The following LHFPL3 variants were observed in gnomAD, a reference collection of about 807,000 sequenced individuals.
LHFPL3 encodes LHFPL tetraspan subfamily member 3 protein.
In LHFPL3, 5 loss-of-function variants were observed where a neutral mutation model predicts 19.3. The observed-to-expected ratio is 0.26, with a 90% CI of 0.14 to 0.54. The LOEUF (loss-of-function observed/expected upper bound fraction) is 0.54. LHFPL3 is among the 20% of genes least tolerant of loss of function. The pLI is 0.94. For missense variants in LHFPL3, 249 were observed against 307.4 expected (o/e 0.81, Z 1.42); for synonymous variants, 133 against 126.2 (o/e 1.05, Z -0.36).
At chr7:104,459,781 T>C (rs1230744316) in intron 1 of LHFPL3, among the ~76,000 whole-genome samples, 1 of 152,196 alleles carries the variant, frequency 6.6e-6, no homozygotes, top group Admixed American at 6.5e-5. Context: ...TTTTTATGCA[T>C]TTGATTTTCC....
chr7:104,330,913 C>G (rs944237024), intron 1 of LHFPL3, among the ~76,000 whole-genome samples: 5 of 152,166 alleles, frequency 3.3e-5, no homozygotes, highest in Non-Finnish European at 7.3e-5. Flanking sequence ...AAAGAATTGA[C>G]CCTGCACAGC....
rs898408973 is a variant in LHFPL3, at chr7:104,783,396, G to C, written c.682+46485G>C. ...CTCTTAGTTCCCACAGTCAGGGACT[G>C]TATCGTGTTGACTGCTGAATCCCCA... On this transcript the variant is annotated intron_variant, in intron 2 of 2. Coordinates refer to ENST00000424859, the MANE Select transcript of LHFPL3 (RefSeq NM_199000.3). 2.0e-5 allele frequency among the ~76,000 whole-genome samples: 3 copies of C among 152,202 alleles called. No homozygotes were observed. In the East Asian group the frequency reaches 5.8e-4, roughly 29 times the overall value.
At chr7:104,612,201 C>G (rs1213482851) in intron 1 of LHFPL3, among the ~76,000 whole-genome samples, 2 of 152,142 alleles carry the variant, frequency 1.3e-5, no homozygotes, top group African/African-American at 2.4e-5. Flanking sequence ...CTTTTAATCC[C>G]AGCTCCTCTG....
At chr7:104,409,304 CTGTGTGTGTGTGTG>C (rs59285167) in intron 1 of LHFPL3, among the ~76,000 whole-genome samples, 2,489 of 148,768 alleles carry the variant, frequency 0.017, 58 homozygotes, top group African/African-American at 0.055. Context: ...CTTATGTGTG[CTGTGTGTGTGTGTG>C]TGTGTGTGTG....
chr7:104,417,798 C>T (rs1375987462), intron 1 of LHFPL3, among the ~76,000 whole-genome samples: 4 of 151,776 alleles, frequency 2.6e-5, no homozygotes, highest in South Asian at 2.1e-4. Flanking sequence ...GGTAAGTACA[C>T]GAATGTGCTC....
intron 1 of LHFPL3, among the ~76,000 whole-genome samples, chr7:104,590,272 A>T (rs1213962706): frequency 1.3e-5 from 2 of 150,954 alleles, no homozygotes. Flanking sequence ...TTCCCTCTGC[A>T]CACTGCTTTA....
chr7:104,373,291 T>C (rs1442813882), intron 1 of LHFPL3, among the ~76,000 whole-genome samples: 1 of 152,250 alleles, frequency 6.6e-6, no homozygotes, highest in Non-Finnish European at 1.5e-5. Flanking sequence ...ATAATAGTCT[T>C]TCTTATATGC....
chr7:104,548,538 T>G (rs1472168686), intron 1 of LHFPL3, among the ~76,000 whole-genome samples: 3 of 152,178 alleles, frequency 2.0e-5, no homozygotes, highest in Non-Finnish European at 4.4e-5. Context: ...GGGATATACT[T>G]TATCCCCTTA....
chr7:104,515,098 C>T (rs543692486), intron 1 of LHFPL3, among the ~76,000 whole-genome samples: 2 of 152,214 alleles, frequency 1.3e-5, no homozygotes, highest in South Asian at 4.1e-4. Flanking sequence ...CTGCTGGCAT[C>T]CTATGAAGTG....
intron 2 of LHFPL3, among the ~76,000 whole-genome samples, chr7:104,756,264 C>G (rs917208473): frequency 6.6e-6 from 1 of 152,122 alleles, no homozygotes; most frequent in Admixed American, 6.6e-5. Context: ...ACTAGACACA[C>G]CTTGCACTGA....
intron 1 of LHFPL3, among the ~76,000 whole-genome samples, chr7:104,607,489 G>T (rs1791124398): frequency 6.6e-6 from 1 of 152,176 alleles, no homozygotes; most frequent in African/African-American, 2.4e-5. Flanking sequence ...CAAAGGCTTT[G>T]CAAAGCCCCT....
rs1395826746 is a variant in LHFPL3 at position 104,517,074 on chromosome 7, T to C, written c.445+187850T>C. ...ATTAAATGCCACATGTTCTCACTTA[T>C]AAGTGGGAGTTAAATGACAAGAACA... is the stretch of plus-strand genomic sequence containing the variant. On this transcript the variant is annotated intron_variant, in intron 1 of 2. Coordinates refer to ENST00000424859, the MANE Select transcript of LHFPL3 (RefSeq NM_199000.3). Among the ~76,000 whole-genome samples the C allele has an allele frequency of 8.5e-5, 13 of 152,138 alleles. No homozygotes were observed. In the East Asian group the frequency reaches 2.5e-3, roughly 29 times the overall value.
chr7:104,496,833 G>C (rs1045335040), intron 1 of LHFPL3, among the ~76,000 whole-genome samples: 3 of 152,176 alleles, frequency 2.0e-5, no homozygotes, highest in Non-Finnish European at 4.4e-5. Context: ...TTAACTTAGA[G>C]ATGTGAATGG....
chr7:104,533,919 C>G (rs1162843579), intron 1 of LHFPL3, among the ~76,000 whole-genome samples: 1 of 152,154 alleles, frequency 6.6e-6, no homozygotes, highest in African/African-American at 2.4e-5. Flanking sequence ...ACTTTTTAGG[C>G]TTCCCTCCGC....
chr7:104,569,942 A>G (rs1790197541), intron 1 of LHFPL3, among the ~76,000 whole-genome samples: 1 of 152,246 alleles, frequency 6.6e-6, no homozygotes, highest in Admixed American at 6.5e-5. Flanking sequence ...ATTATCTTCA[A>G]GAATAATCAT....
chr7:104,698,151 C>A (rs1793031889), intron 1 of LHFPL3, among the ~76,000 whole-genome samples: 1 of 152,162 alleles, frequency 6.6e-6, no homozygotes, highest in African/African-American at 2.4e-5. Context: ...TTTCCTGTAG[C>A]TTTTGTTACA....
chr7:104,589,041 A>G (rs893478197), intron 1 of LHFPL3, among the ~76,000 whole-genome samples: 3 of 152,258 alleles, frequency 2.0e-5, no homozygotes, highest in Admixed American at 1.3e-4. Context: ...TAAGTATACA[A>G]TCATGTCATC....
At chr7:104,834,130 T>A (rs1418408167) in intron 2 of LHFPL3, among the ~76,000 whole-genome samples, 2 of 151,192 alleles carry the variant, frequency 1.3e-5, no homozygotes, top group Non-Finnish European at 2.9e-5. Context: ...CTGATTAGAT[T>A]GTGCCCTCCA....
intron 1 of LHFPL3, among the ~76,000 whole-genome samples, chr7:104,687,009 A>G (rs1328085717): frequency 6.6e-6 from 1 of 152,130 alleles, no homozygotes; most frequent in Non-Finnish European, 1.5e-5. Context: ...ATCACCTCCT[A>G]CAAGGTCCCT....
Sources: allele counts gnomAD v4.1 joint callset (sites outside exome capture counted in the v4.1 genomes callset), GRCh38; gene constraint gnomAD v4.1.1; transcripts MANE v1.5; gene names NCBI Gene and HGNC (gene_info 2026-07-23, HGNC 2026-07-21).